Variants in PTPRU observed in about 807,000 individuals in gnomAD.
PTPRU encodes the protein protein tyrosine phosphatase receptor type U.
Under a neutral mutation model 166.3 loss-of-function variants are expected in PTPRU, and 69 were observed. The observed-to-expected ratio is 0.41, with a 90% CI of 0.34 to 0.51. The LOEUF is 0.51. Ranked by LOEUF, PTPRU falls within the 20% of genes least tolerant of loss-of-function variation. The pLI, the probability that PTPRU is intolerant of heterozygous loss-of-function variation, is 0.09. For missense variants in PTPRU, 1,657 were observed against 2,013.7 expected, an observed-to-expected ratio of 0.82 and a Z score of 3.39; for synonymous variants, 793 against 814.0, an observed-to-expected ratio of 0.97 and a Z score of 0.44.
chr1:29,312,750 C>G, intron 22 of PTPRU, 44 bp downstream of exon 22: 1 of 1,568,340 alleles, frequency 6.4e-7, no homozygotes, highest in Non-Finnish European at 8.7e-7. Context: ...GCCCTTCTCC[C>G]TGGGAATTTG....
At chr1:29,240,468 G>A (rs1233283683) in intron 1 of PTPRU, among the ~76,000 whole-genome samples, 1 of 152,090 alleles carries the variant, frequency 6.6e-6, no homozygotes, top group Non-Finnish European at 1.5e-5. Context: ...AGATGGGGGT[G>A]CACTGATTCC....
At chr1:29,290,019 C>A (rs1471243642) in intron 14 of PTPRU, among the ~76,000 whole-genome samples, 1 of 152,222 alleles carries the variant, frequency 6.6e-6, no homozygotes, top group African/African-American at 2.4e-5. Flanking sequence ...ACCAGAGCAG[C>A]CCCTTACGTC....
intron 1 of PTPRU, among the ~76,000 whole-genome samples, chr1:29,250,527 A>C (rs1015971675): frequency 6.6e-6 from 1 of 152,222 alleles, no homozygotes. Flanking sequence ...ACTAACAATA[A>C]GACAAAAATA....
At chr1:29,324,454 G>A (rs959468819) in intron 28 of PTPRU, among the ~76,000 whole-genome samples, 1 of 152,224 alleles carries the variant, frequency 6.6e-6, no homozygotes, top group African/African-American at 2.4e-5. Flanking sequence ...CACAGGGAAG[G>A]AGGGAGAGGC....
chr1:29,275,672 C>A lies in PTPRU; in HGVS notation c.1369C>A (p.Arg457=), dbSNP rs145823140. 1 of 1,614,050 alleles carries A rather than the reference C, an allele frequency of 6.2e-7. No homozygotes were observed. The highest frequency in any genetic ancestry group is 8.5e-7 in the Non-Finnish European group (1 of 1,180,038). The change falls in exon 8 of 30, where the codon CGG becomes AGG. Residue 457 remains arginine (R), a synonymous_variant. Coordinates refer to ENST00000373779, the MANE Select transcript of PTPRU (RefSeq NM_133178.4). ...CACCATCAAGAACCTGCTGCCCTAT[C>A]GGAACGTTCACGTGAGGCTTGTCCT... ...RYTIKNLLPY[R]NVHVRLVLTN...
chr1:29,275,428 C>G lies in PTPRU; in HGVS notation c.1145-20C>G, dbSNP rs1033820797. ...TCCCATTTCTTCTAACTTCTTCTCT[C>G]TGCTTCCTGCATTCTCCAGAGCCCA... On this transcript the variant is annotated intron_variant, in intron 7 of 29. Coordinates refer to ENST00000373779, the MANE Select transcript of PTPRU (RefSeq NM_133178.4). 9.4e-6 allele frequency: 15 copies of G among 1,590,098 alleles called. No homozygotes were observed. The highest frequency in any genetic ancestry group is 8.5e-5 in the Admixed American group (5 of 58,966).
At chr1:29,263,585 G>A (rs1239425047) in intron 7 of PTPRU, among the ~76,000 whole-genome samples, 1 of 152,150 alleles carries the variant, frequency 6.6e-6, no homozygotes, top group African/African-American at 2.4e-5. Context: ...TTCCAAAGCA[G>A]CTGTACCACT....
intron 7 of PTPRU, among the ~76,000 whole-genome samples, chr1:29,266,153 TG>T (rs1158833359): frequency 2.0e-5 from 3 of 151,568 alleles, no homozygotes; most frequent in African/African-American, 7.3e-5. Flanking sequence ...CCTGAGTAGC[TG>T]GGATTACAGG....
rs1685980261 is a variant in PTPRU, at chr1:29,279,846, G to T, written c.1765+189G>T. Among the ~76,000 whole-genome samples the T allele has an allele frequency of 6.6e-6, 1 of 152,242 alleles. No homozygotes were observed. Among genetic ancestry groups the T allele is most frequent in the Non-Finnish European group, 1.5e-5 (1 of 68,038 alleles). Reference sequence around the variant, plus strand: ...GTCAGAGGAGTCAGGAGACTGGTCAGTGGAATCAGAAGATTGAGGTTGGGG... The same window carrying T: ...GTCAGAGGAGTCAGGAGACTGGTCATTGGAATCAGAAGATTGAGGTTGGGG... On this transcript the variant is annotated intron_variant, in intron 10 of 29. Coordinates refer to ENST00000373779, the MANE Select transcript of PTPRU (RefSeq NM_133178.4). The surrounding 1 kb of genome is among the most constrained non-coding windows in gnomAD (Gnocchi z 5.2).
chr1:29,305,358 G>C lies in PTPRU; in HGVS notation c.2750G>C (p.Arg917Pro). 1 of 1,613,784 alleles carries C rather than the reference G, an allele frequency of 6.2e-7. No individual in the cohort carries two copies. The highest frequency in any genetic ancestry group is 1.1e-5 in the South Asian group (1 of 91,080). The change falls in exon 18 of 30, where the codon CGG becomes CCG. Residue 917 changes from arginine (R) to proline (P), a missense_variant. Coordinates refer to ENST00000373779, the MANE Select transcript of PTPRU (RefSeq NM_133178.4). ...ACCTGCTCTGTGTTTACAGATGATC[G>C]GCACCGAGTGAAACTGCACCCGATG... ...SRQEPMPAYD[R>P]HRVKLHPMLG...
At chr1:29,258,369 G>A in intron 2 of PTPRU, 136 bp from the exon 3 acceptor site, 1 of 934,582 alleles carries the variant, frequency 1.1e-6, no homozygotes, top group Non-Finnish European at 1.6e-6. Flanking sequence ...GGGAGGTGGA[G>A]CTGGGGCCAG....
intron 12 of PTPRU, among the ~76,000 whole-genome samples, chr1:29,283,466 C>T (rs1454724926): frequency 1.3e-5 from 2 of 152,132 alleles, no homozygotes; most frequent in Non-Finnish European, 2.9e-5. Context: ...CTGCCCCTTC[C>T]TGAGGCCCTG....
At chr1:29,323,563 C>G (rs1196835721) in intron 27 of PTPRU, 67 bp downstream of exon 27, 49 of 1,611,238 alleles carry the variant, frequency 3.0e-5, no homozygotes, top group Non-Finnish European at 2.9e-5. Flanking sequence ...TAATGACCCT[C>G]TGTGTCATCA....
chr1:29,260,058 C>T lies in PTPRU; in HGVS notation c.850+14C>T. 6 of 1,383,104 alleles carry T rather than the reference C, an allele frequency of 4.3e-6. No homozygotes were observed. The highest frequency in any genetic ancestry group is 3.5e-5 in the South Asian group (2 of 57,924). 85.7% of individuals were successfully genotyped at this position (1,383,104 alleles called of 1,614,324 possible). A position where few individuals can be genotyped will look rare whatever the true frequency, so the allele number is the denominator to read the frequency against. On this transcript the variant is annotated intron_variant, in intron 6 of 29. Transcript: ENST00000373779. The surrounding 1 kb of genome is among the most constrained non-coding windows in gnomAD (Gnocchi z 8.3). ...TCATCGTCAAGGGTCAGCTGGTGGA[C>T]GCCGGGGAGCGCCGGGACCTCACCC... is the stretch of plus-strand genomic sequence containing the variant.
At chr1:29,293,793 A>G (rs1210940530) in intron 15 of PTPRU, among the ~76,000 whole-genome samples, 3 of 152,228 alleles carry the variant, frequency 2.0e-5, no homozygotes, top group Non-Finnish European at 4.4e-5. Flanking sequence ...TAGTTTTACC[A>G]TGTGTACATA....
chr1:29,299,284 G>A (rs1167414394), intron 15 of PTPRU, among the ~76,000 whole-genome samples: 1 of 152,214 alleles, frequency 6.6e-6, no homozygotes, highest in Non-Finnish European at 1.5e-5. Context: ...CAGTCACGAT[G>A]GTGCTAGGAA....
At position 29,326,018 on chromosome 1, in the gene PTPRU, C is replaced by T. The variant is rs1219377070; in HGVS notation, c.*357C>T. On this transcript the variant is annotated 3_prime_UTR_variant, in exon 30 of 30. Transcript: ENST00000373779. ...CCCTTGGCACCATCCTGGCTTTTGG[C>T]AGGGATGAGTGAGGCCCTGCAGAGA... The T allele has an allele frequency of 4.8e-6, 2 of 417,892 alleles. No homozygotes were observed. The highest frequency in any genetic ancestry group is 8.4e-6 in the Non-Finnish European group (2 of 239,204). 25.9% of individuals were successfully genotyped at this position (417,892 alleles called of 1,614,324 possible).
At chr1:29,288,042 C>T (rs1250900065) in intron 14 of PTPRU, among the ~76,000 whole-genome samples, 3 of 152,060 alleles carry the variant, frequency 2.0e-5, no homozygotes, top group Non-Finnish European at 2.9e-5. Flanking sequence ...CTCAAACTCC[C>T]GACCTCAGGT....
At chr1:29,323,150 T>C in intron 26 of PTPRU, 2 of 566,168 alleles carry the variant, frequency 3.5e-6, no homozygotes, top group Non-Finnish European at 6.3e-6. Context: ...TTGGCTGATC[T>C]GAACGTGTCA....
Sources: allele counts gnomAD v4.1 joint callset (sites outside exome capture counted in the v4.1 genomes callset), GRCh38; gene constraint gnomAD v4.1.1; non-coding constraint Gnocchi (gnomAD v3.1); transcripts MANE v1.5; gene names NCBI Gene and HGNC (gene_info 2026-07-23, HGNC 2026-07-21).